The following NSD2 variants were observed in gnomAD, a reference collection of about 807,000 sequenced individuals.
NSD2 encodes nuclear receptor binding SET domain protein 2, also known as histone-lysine N-methyltransferase NSD2.
NSD2 carries 12 observed loss-of-function variants against 139.0 expected under a neutral mutation model. The observed-to-expected ratio is 0.09, with a 90% CI of 0.06 to 0.14. The LOEUF (loss-of-function observed/expected upper bound fraction) is 0.14. Among genes scored for constraint, NSD2 ranks in the 10% least tolerant of loss-of-function variants. The pLI is 1.00. For missense variants in NSD2, 1,155 were observed against 1,745.0 expected, an observed-to-expected ratio of 0.66 and a Z score of 6.02; for synonymous variants, 669 against 648.7, an observed-to-expected ratio of 1.03 and a Z score of -0.48.
intron 3 of NSD2, among the ~76,000 whole-genome samples, chr4:1,915,943 C>T (rs182762854): frequency 1.3e-5 from 2 of 152,148 alleles, no homozygotes; most frequent in Non-Finnish European, 2.9e-5. Context: ...CTGTATTCAC[C>T]TTCTCATTTG....
intron 1 of NSD2, among the ~76,000 whole-genome samples, chr4:1,873,600 C>T (rs935609969): frequency 1.3e-5 from 2 of 152,184 alleles, no homozygotes; most frequent in Non-Finnish European, 1.5e-5. Context: ...CCTCCTAATC[C>T]TGTGGGGCTT....
At chr4:1,952,799 C>T in intron 11 of NSD2, 3 of 1,162,604 alleles carry the variant, frequency 2.6e-6, no homozygotes, top group South Asian at 2.9e-5. Context: ...GAGAGGACAC[C>T]TGCACAGCCG....
At position 1,897,558 on chromosome 4, in the gene NSD2, T is replaced by C. The variant is rs149971919; in HGVS notation, c.-29-3068T>C. On this transcript the variant is annotated intron_variant, in intron 1 of 21. Transcript: ENST00000508803. Reference sequence around the variant, plus strand: ...TGTAATGCCAGCACTTTGGGAAGGATTCCTTGAAGCCAGGACTTAGAGACT... The same window carrying C: ...TGTAATGCCAGCACTTTGGGAAGGACTCCTTGAAGCCAGGACTTAGAGACT... Among the ~76,000 whole-genome samples the C allele has an allele frequency of 9.0e-3, 1,366 of 152,276 alleles. 19 individuals are homozygous for C. Among genetic ancestry groups the C allele is most frequent in the African/African-American group, 0.031 (1,289 of 41,550 alleles).
chr4:1,931,807 T>A (rs1468390338), intron 6 of NSD2, among the ~76,000 whole-genome samples: 1 of 152,252 alleles, frequency 6.6e-6, no homozygotes, highest in Non-Finnish European at 1.5e-5. Flanking sequence ...ATTTAGGACT[T>A]GTATATTTTC....
At position 1,972,179 on chromosome 4, in the gene NSD2, G is replaced by A. The variant is rs747677715; in HGVS notation, c.3373-2684G>A. Among the ~76,000 whole-genome samples, 17 of 152,316 alleles carry A rather than the reference G, an allele frequency of 1.1e-4. No individual in the cohort carries two copies. The highest frequency in any genetic ancestry group is 1.5e-4 in the Non-Finnish European group (10 of 68,034). On this transcript the variant is annotated intron_variant, in intron 18 of 21. Coordinates refer to ENST00000508803, the MANE Select transcript of NSD2 (RefSeq NM_001042424.3). This position sits in a 1 kb window ranked among gnomAD's most constrained non-coding sequence, Gnocchi z 4.0. ...ACAGGTTTTCCCCTGCCCTCCTCAT[G>A]TATGCAGAGCCACAAAGAGCATTGA...
chr4:1,942,510 C>A lies in NSD2; in HGVS notation c.1881+2732C>A. 1 of 1,481,798 alleles carries A rather than the reference C, an allele frequency of 6.7e-7. No homozygotes were observed. The highest frequency in any genetic ancestry group is 9.0e-7 in the Non-Finnish European group (1 of 1,114,010). 91.8% of individuals were successfully genotyped at this position (1,481,798 alleles called of 1,614,324 possible). On this transcript the variant is annotated intron_variant, in intron 9 of 21. Transcript: ENST00000508803. The surrounding 1 kb of genome is among the most constrained non-coding windows in gnomAD (Gnocchi z 4.0). ...GAAGATGTGTGATAATCTGTTTTTA[C>A]TGGTATTAATAAACACATACAATGA...
chr4:1,952,338 C>G, intron 11 of NSD2, 107 bp downstream of exon 11: 1 of 1,497,720 alleles, frequency 6.7e-7, no homozygotes, highest in Non-Finnish European at 9.0e-7. Context: ...AAGCCCCCTC[C>G]CCACCCCCAC....
chr4:1,904,878 C>A (rs1717676008), intron 3 of NSD2, among the ~76,000 whole-genome samples: 2 of 152,138 alleles, frequency 1.3e-5, no homozygotes, highest in East Asian at 3.8e-4. Flanking sequence ...CGCCTGTAAT[C>A]CCAACACTTT....
At chr4:1,892,365 T>C (rs13114773) in intron 1 of NSD2, 15,230 of 152,304 alleles carry the variant, frequency 0.1, 1,104 homozygotes, top group Admixed American at 0.15. Context: ...CCTCCCCTCA[T>C]GTTGGAGACC....
intron 5 of NSD2, among the ~76,000 whole-genome samples, chr4:1,928,575 G>A (rs1348533808): frequency 2.0e-5 from 3 of 152,156 alleles, no homozygotes; most frequent in South Asian, 2.1e-4. Context: ...TGGCTTCCCC[G>A]CAGAAGCCGT....
chr4:1,897,362 ATAGTCC>A (rs1716495733), intron 1 of NSD2, among the ~76,000 whole-genome samples: 1 of 152,116 alleles, frequency 6.6e-6, no homozygotes, highest in South Asian at 2.1e-4. Flanking sequence ...GGGTGCACCT[ATAGTCC>A]CAGCTACTCG....
In NSD2 at chr4:1,981,863, G is replaced by C; in HGVS notation, c.*2954G>C. ...GTTGATGACTGTTTGTTAGTCAGTA[G>C]AGTAAAATGCTGTGTCCACGGGGTG... On this transcript the variant is annotated 3_prime_UTR_variant, in exon 22 of 22. Transcript: ENST00000508803. 1 of 398,670 alleles carries C rather than the reference G, an allele frequency of 2.5e-6. No homozygotes were observed. The highest frequency in any genetic ancestry group is 4.4e-6 in the Non-Finnish European group (1 of 226,076). 24.7% of individuals were successfully genotyped at this position (398,670 alleles called of 1,614,324 possible).
At chr4:1,946,123 G>A (rs1235378683) in intron 9 of NSD2, 3 of 1,028,704 alleles carry the variant, frequency 2.9e-6, no homozygotes, top group South Asian at 9.2e-5. Context: ...GTTTATCTTT[G>A]AGATGATAAA....
chr4:1,981,912 G>A lies in NSD2; in HGVS notation c.*3003G>A. Reference sequence around the variant, plus strand: ...TGTCACAGCCTCACCATACCCTGTTGAGGTGTGAAATGCCCCGTCAGAAAT... The same window carrying A: ...TGTCACAGCCTCACCATACCCTGTTAAGGTGTGAAATGCCCCGTCAGAAAT... On this transcript the variant is annotated 3_prime_UTR_variant, in exon 22 of 22. Transcript: ENST00000508803. The A allele has an allele frequency of 2.5e-6, 1 of 398,652 alleles. No individual in the cohort carries two copies. Among genetic ancestry groups the A allele is most frequent in the East Asian group, 3.6e-5 (1 of 28,084 alleles). 24.7% of individuals were successfully genotyped at this position (398,652 alleles called of 1,614,324 possible). A position where few individuals can be genotyped will look rare whatever the true frequency, so the allele number is the denominator to read the frequency against.
chr4:1,931,381 A>G (rs1420176515), intron 6 of NSD2, among the ~76,000 whole-genome samples: 2 of 152,218 alleles, frequency 1.3e-5, no homozygotes, highest in East Asian at 1.9e-4. Context: ...GGCAGTGGCA[A>G]GAGGAGGGAG....
intron 1 of NSD2, among the ~76,000 whole-genome samples, chr4:1,888,949 G>A (rs1451307753): frequency 6.6e-6 from 1 of 150,560 alleles, no homozygotes; most frequent in African/African-American, 2.5e-5. Context: ...CCAGGGTGGA[G>A]TGCAGTGGCA....
intron 18 of NSD2, among the ~76,000 whole-genome samples, chr4:1,967,050 GA>G (rs1354645612): frequency 7.9e-5 from 12 of 152,162 alleles, no homozygotes; most frequent in African/African-American, 2.9e-4. Context: ...GAAAAAAAGA[GA>G]AAAGACTCAC....
At position 1,981,772 on chromosome 4, in the gene NSD2, C is replaced by CTGTT. The variant is rs1727787235; in HGVS notation, c.*2865_*2868dup. 5.0e-6 allele frequency: 2 copies of CTGTT among 398,284 alleles called. No individual in the cohort carries two copies. The highest frequency in any genetic ancestry group is 4.4e-6 in the Non-Finnish European group (1 of 225,952). The allele number at this position is 398,284 out of a possible 1,614,324, so 24.7% of individuals were successfully genotyped here. ...ACTACCTTATTTTCCAGAATTAAAC[C>CTGTT]TGTTTTATAATTCAAGTTAATGCAA... On this transcript the variant is annotated 3_prime_UTR_variant, in exon 22 of 22. Transcript: ENST00000508803.
At chr4:1,881,284 G>C (rs1714674854) in intron 1 of NSD2, among the ~76,000 whole-genome samples, 1 of 151,956 alleles carries the variant, frequency 6.6e-6, no homozygotes, top group Admixed American at 6.6e-5. Flanking sequence ...TTTTTGAGAC[G>C]GAGTCTTGCT....
Sources: gnomAD v4.1 joint callset for allele counts (sites outside exome capture counted in the v4.1 genomes callset) on GRCh38, gnomAD v4.1.1 for gene constraint, Gnocchi (gnomAD v3.1) non-coding constraint, MANE v1.5 for transcripts, NCBI Gene and HGNC (gene_info 2026-07-23, HGNC 2026-07-21) for gene names.